The following MSRA variants were observed in gnomAD, a reference collection of about 807,000 sequenced individuals.
The protein encoded by MSRA is methionine sulfoxide reductase A.
Under a neutral mutation model 31.3 loss-of-function variants are expected in MSRA, and 54 were observed. That is an observed-to-expected ratio of 1.73 (90% confidence interval 1.39 to 2.17). The LOEUF (loss-of-function observed/expected upper bound fraction) is 2.17, where lower values mean the gene tolerates loss of function less well. Ranked by LOEUF, MSRA falls within the 30% of genes most tolerant of loss-of-function variation. The probability of loss-of-function intolerance (pLI) is 0.00; values close to 1 mark genes in which losing one functional copy is unlikely to be tolerated. For missense variants in MSRA, 507 were observed against 300.9 expected, an observed-to-expected ratio of 1.69 and a Z score of -5.07; for synonymous variants, 169 against 116.5, an observed-to-expected ratio of 1.45 and a Z score of -2.90.
chr8:10,257,063 T>C (rs570845402), intron 3 of MSRA, among the ~76,000 whole-genome samples: 2 of 152,212 alleles, frequency 1.3e-5, no homozygotes, highest in Non-Finnish European at 2.9e-5. Flanking sequence ...GAAGATTGCT[T>C]CAGATGTTGA....
intron 5 of MSRA, among the ~76,000 whole-genome samples, chr8:10,365,399 C>A (rs1805103473): frequency 6.6e-6 from 1 of 152,152 alleles, no homozygotes; most frequent in African/African-American, 2.4e-5. Context: ...TCAGAATTTA[C>A]ATTGTTTCAT....
At chr8:10,272,720 C>T (rs556186231) in intron 3 of MSRA, among the ~76,000 whole-genome samples, 2 of 152,162 alleles carry the variant, frequency 1.3e-5, no homozygotes, top group Admixed American at 6.5e-5. Context: ...GTCCAAATGT[C>T]GATACTATGT....
chr8:10,422,707 ATG>A (rs1490477306), intron 5 of MSRA, among the ~76,000 whole-genome samples: 24 of 152,062 alleles, frequency 1.6e-4, no homozygotes, highest in Admixed American at 1.4e-3. Flanking sequence ...TGGTAGGGGC[ATG>A]TGAGACTGGC....
chr8:10,368,363 A>C (rs914305524), intron 5 of MSRA, among the ~76,000 whole-genome samples: 3 of 152,270 alleles, frequency 2.0e-5, no homozygotes, highest in African/African-American at 7.2e-5. Context: ...ATGTGCAGAT[A>C]AGATGGAGTG....
At chr8:10,427,025 C>T (rs1022708683) in intron 5 of MSRA, among the ~76,000 whole-genome samples, 3 of 151,446 alleles carry the variant, frequency 2.0e-5, no homozygotes, top group South Asian at 2.1e-4. Context: ...AAATAAGTGA[C>T]GTTGCTCAAG....
intron 5 of MSRA, among the ~76,000 whole-genome samples, chr8:10,385,727 G>C (rs1039257196): frequency 1.3e-5 from 2 of 150,492 alleles, no homozygotes; most frequent in African/African-American, 4.9e-5. Flanking sequence ...GGAGGTGGAA[G>C]AGCTACCGGT....
intron 1 of MSRA, among the ~76,000 whole-genome samples, chr8:10,124,756 T>G (rs553318007): frequency 1.3e-5 from 2 of 152,232 alleles, no homozygotes; most frequent in African/African-American, 4.8e-5. Context: ...GATTTTTTTT[T>G]GGTTGAGTTA....
chr8:10,383,930 C>T (rs1022144356), intron 5 of MSRA, among the ~76,000 whole-genome samples: 2 of 152,174 alleles, frequency 1.3e-5, no homozygotes, highest in Non-Finnish European at 2.9e-5. Context: ...ATTCCTCATA[C>T]GCTCATCCCC....
intron 1 of MSRA, among the ~76,000 whole-genome samples, chr8:10,116,591 A>AT (rs1800697881): frequency 6.6e-6 from 1 of 152,206 alleles, no homozygotes; most frequent in Non-Finnish European, 1.5e-5. Flanking sequence ...TCGTGTGATA[A>AT]CATACATGCC....
chr8:10,059,791 A>C (rs903298592), intron 1 of MSRA, among the ~76,000 whole-genome samples: 1 of 152,240 alleles, frequency 6.6e-6, no homozygotes, highest in African/African-American at 2.4e-5. Context: ...AGAAATAAAA[A>C]CACCAACATC....
chr8:10,084,460 A>C (rs968588082), intron 1 of MSRA, among the ~76,000 whole-genome samples: 6 of 152,230 alleles, frequency 3.9e-5, no homozygotes, highest in Non-Finnish European at 7.3e-5. Flanking sequence ...TTAACCATGT[A>C]AACCTTCGTA....
chr8:10,075,810 G>A (rs986275058), intron 1 of MSRA, among the ~76,000 whole-genome samples: 2 of 152,172 alleles, frequency 1.3e-5, no homozygotes, highest in African/African-American at 4.8e-5. Context: ...CATTCTGTTA[G>A]CATCATTCAT....
chr8:10,261,759 G>T (rs4305908), intron 3 of MSRA, among the ~76,000 whole-genome samples: 131,421 of 151,810 alleles, frequency 0.87, 57,337 homozygotes, highest in East Asian at 0.96. Context: ...CCTTTTGGTG[G>T]TGTACATTCT....
At chr8:10,252,143 G>C (rs896218411) in intron 3 of MSRA, among the ~76,000 whole-genome samples, 1 of 152,222 alleles carries the variant, frequency 6.6e-6, no homozygotes, top group Non-Finnish European at 1.5e-5. Flanking sequence ...CTCCAAGACT[G>C]CTTTCTTTGT....
intron 1 of MSRA, among the ~76,000 whole-genome samples, chr8:10,184,906 A>G (rs1249874507): frequency 6.6e-6 from 1 of 152,262 alleles, no homozygotes; most frequent in Non-Finnish European, 1.5e-5. Flanking sequence ...TGTGAAAGGA[A>G]AGAAATCAAG....
chr8:10,149,270 C>G (rs1803443016), intron 1 of MSRA, among the ~76,000 whole-genome samples: 1 of 152,082 alleles, frequency 6.6e-6, no homozygotes, highest in African/African-American at 2.4e-5. Flanking sequence ...TACAGGTGCC[C>G]ACCACCATGC....
At chr8:10,353,490 C>T (rs1174468889) in intron 5 of MSRA, 7 of 398,324 alleles carry the variant, frequency 1.8e-5, no homozygotes, top group Non-Finnish European at 3.0e-5. Context: ...ACCGGAGGCC[C>T]GGAGGCCCGT....
intron 3 of MSRA, among the ~76,000 whole-genome samples, chr8:10,258,059 ACTT>A (rs1354425573): frequency 1.3e-5 from 2 of 152,178 alleles, no homozygotes; most frequent in East Asian, 1.9e-4. Flanking sequence ...ACATGTGACC[ACTT>A]CTTCTATTTT....
At chr8:10,427,210 A>G (rs1295864790) in intron 5 of MSRA, among the ~76,000 whole-genome samples, 1 of 152,120 alleles carries the variant, frequency 6.6e-6, no homozygotes, top group Non-Finnish European at 1.5e-5. Flanking sequence ...AGGCAGTGAG[A>G]GTGGGTTGAG....
Sources: gnomAD v4.1 joint callset for allele counts (sites outside exome capture counted in the v4.1 genomes callset) on GRCh38, gnomAD v4.1.1 for gene constraint, MANE v1.5 for transcripts, NCBI Gene and HGNC (gene_info 2026-07-23, HGNC 2026-07-21) for gene names.